Variants in ATP2B2 observed in about 807,000 individuals in gnomAD.
The protein encoded by ATP2B2 is ATPase plasma membrane Ca2+ transporting 2.
Under a neutral mutation model 120.0 loss-of-function variants are expected in ATP2B2, and 15 were observed. That is an observed-to-expected ratio of 0.12 (90% CI 0.08 to 0.19). The LOEUF is 0.19. Among genes scored for constraint, ATP2B2 ranks in the 10% least tolerant of loss-of-function variants. The pLI, the probability that ATP2B2 is intolerant of heterozygous loss-of-function variation, is 1.00. For missense variants in ATP2B2, 1,045 were observed against 1,719.8 expected (o/e 0.61, Z 6.94); for synonymous variants, 694 against 700.3 (o/e 0.99, Z 0.14).
intron 2 of ATP2B2, among the ~76,000 whole-genome samples, chr3:10,573,453 G>A (rs923729997): frequency 9.9e-5 from 15 of 152,128 alleles, no homozygotes; most frequent in African/African-American, 3.4e-4. Flanking sequence ...CTCCCTGACT[G>A]CATGCTCAGT....
intron 1 of ATP2B2, chr3:10,626,597 ATG>A (rs2069707811): frequency 7.4e-6 from 1 of 135,282 alleles, no homozygotes; most frequent in East Asian, 3.1e-4. Context: ...GGATGGATGG[ATG>A]GATGGATGGG....
chr3:10,634,289 G>A (rs556132942), intron 1 of ATP2B2, among the ~76,000 whole-genome samples: 17 of 152,284 alleles, frequency 1.1e-4, no homozygotes, highest in South Asian at 4.1e-4. Context: ...ACTTGTTTAC[G>A]GCAATCTCAC....
At chr3:10,488,632 G>A (rs549367484) in intron 1 of ATP2B2, among the ~76,000 whole-genome samples, 2 of 151,998 alleles carry the variant, frequency 1.3e-5, no homozygotes, top group African/African-American at 4.8e-5. Flanking sequence ...AGGTTCTGGG[G>A]TCAACCCAAC....
intron 2 of ATP2B2, among the ~76,000 whole-genome samples, chr3:10,413,623 C>T (rs1210857634): frequency 6.6e-6 from 1 of 152,196 alleles, no homozygotes; most frequent in Non-Finnish European, 1.5e-5. Flanking sequence ...CTGGGAGATC[C>T]ATGTACAGAG....
chr3:10,532,974 T>C (rs1054395435), intron 3 of ATP2B2, among the ~76,000 whole-genome samples: 2 of 152,184 alleles, frequency 1.3e-5, no homozygotes, highest in African/African-American at 4.8e-5. Context: ...ACTGGGAAGG[T>C]CAGATGAGAT....
rs770425616 is a variant in ATP2B2, at chr3:10,371,893, G to A, written c.1575C>T (p.Pro525=). ...YVGDVHYKEI[P]DPSSINTKTM... ...TCTTGGTGTTGATGGAGCTGGGGTCGGGGATCTCTTTATAGTGGACGTCGC... is the reference window on the plus strand; with the variant it reads ...TCTTGGTGTTGATGGAGCTGGGGTCAGGGATCTCTTTATAGTGGACGTCGC... Residue 525 remains proline, a synonymous_variant, in exon 12 of 23, where the codon CCC becomes CCT. Transcript: ENST00000360273. The A allele has an allele frequency of 4.9e-5, 79 of 1,614,096 alleles. No individual in the cohort carries two copies. The highest frequency in any genetic ancestry group is 2.0e-4 in the East Asian group (9 of 44,882).
At chr3:10,505,055 C>T (rs1268812449) in intron 1 of ATP2B2, among the ~76,000 whole-genome samples, 1 of 152,166 alleles carries the variant, frequency 6.6e-6, no homozygotes, top group Non-Finnish European at 1.5e-5. Context: ...TCCCTGGGAC[C>T]GGCTCAGAGA....
chr3:10,595,194 G>A (rs2068737938), intron 2 of ATP2B2, among the ~76,000 whole-genome samples: 1 of 152,216 alleles, frequency 6.6e-6, no homozygotes, highest in South Asian at 2.1e-4. Context: ...GGAAGCCGTT[G>A]AAGGGCTAGC....
chr3:10,567,336 GCTT>G (rs2125539089), intron 2 of ATP2B2, among the ~76,000 whole-genome samples: 2 of 152,348 alleles, frequency 1.3e-5, no homozygotes, highest in African/African-American at 4.8e-5. Context: ...GCCTCTCTGA[GCTT>G]CTGTTTCTGG....
chr3:10,336,022 C>T, intron 22 of ATP2B2: 1 of 1,345,564 alleles, frequency 7.4e-7, no homozygotes, highest in Non-Finnish European at 1.0e-6. Flanking sequence ...TCCCCCTGGG[C>T]CTGATTGTGA....
At chr3:10,553,598 C>T (rs908386512) in intron 2 of ATP2B2, among the ~76,000 whole-genome samples, 1 of 152,160 alleles carries the variant, frequency 6.6e-6, no homozygotes, top group Non-Finnish European at 1.5e-5. Flanking sequence ...AGTCTGATCC[C>T]CATGTTGTGG....
intron 2 of ATP2B2, among the ~76,000 whole-genome samples, chr3:10,419,532 C>G (rs1008777281): frequency 2.6e-5 from 4 of 152,248 alleles, no homozygotes; most frequent in African/African-American, 4.8e-5. Flanking sequence ...TAACATGCCC[C>G]TACCTAGATC....
chr3:10,478,467 C>T (rs567092742), intron 1 of ATP2B2, among the ~76,000 whole-genome samples: 4 of 152,188 alleles, frequency 2.6e-5, no homozygotes, highest in African/African-American at 9.6e-5. Flanking sequence ...ATGAAGCTTT[C>T]CCCTATGTCT....
chr3:10,531,080 C>A (rs763167486), intron 3 of ATP2B2, among the ~76,000 whole-genome samples: 1 of 152,164 alleles, frequency 6.6e-6, no homozygotes, highest in Non-Finnish European at 1.5e-5. Context: ...GGCAGTGACT[C>A]GAGCTGCTTT....
chr3:10,340,579 T>C lies in ATP2B2; in HGVS notation c.3043A>G (p.Lys1015Glu). The C allele has an allele frequency of 6.2e-7, 1 of 1,614,236 alleles. No homozygotes were observed. Among genetic ancestry groups the C allele is most frequent in the Non-Finnish European group, 8.5e-7 (1 of 1,180,050 alleles). Reference protein sequence around the residue: ...MQLFNEINARKIHGERNVFDG... With the variant: ...MQLFNEINAREIHGERNVFDG... ...AAGACATTGCGCTCGCCGTGGATCT[T>C]GCGGGCGTTGATCTCGTTGAAGAGC... Residue 1015 changes from lysine to glutamate, a missense_variant, in exon 20 of 23, where the codon AAG becomes GAG. Lys to Glu is a moderately conservative substitution (Grantham distance 56). Transcript: ENST00000360273. The surrounding 1 kb of genome is among the most constrained non-coding windows in gnomAD (Gnocchi z 5.0).
At chr3:10,555,062 C>T (rs2067749410) in intron 2 of ATP2B2, among the ~76,000 whole-genome samples, 1 of 152,224 alleles carries the variant, frequency 6.6e-6, no homozygotes, top group Non-Finnish European at 1.5e-5. Context: ...GGAGGGTACT[C>T]TCCTCCTTTT....
intron 1 of ATP2B2, among the ~76,000 whole-genome samples, chr3:10,668,341 C>T (rs1458042807): frequency 6.6e-6 from 1 of 152,220 alleles, no homozygotes; most frequent in Non-Finnish European, 1.5e-5. Flanking sequence ...AAACCCAGAT[C>T]GATCTAACTC....
chr3:10,565,468 C>T (rs140976612), intron 2 of ATP2B2, among the ~76,000 whole-genome samples: 1,689 of 152,278 alleles, frequency 0.011, 37 homozygotes, highest in African/African-American at 0.038. Flanking sequence ...CCTCCTTGGC[C>T]ATATCTCTGG....
Position 10,342,967 on chromosome 3 carries a change from TG to T in ATP2B2, c.2704-3del, listed in dbSNP as rs1265184532. The T allele has an allele frequency of 6.2e-7, 1 of 1,613,504 alleles. No individual in the cohort carries two copies. Among genetic ancestry groups the T allele is most frequent in the East Asian group, 2.2e-5 (1 of 44,884 alleles). ...CTGCACGGCCTTCAGAGGGGAGTCC[TG>T]GGGACGGGCAGGAGAGGGCTGTCAC... On this transcript the variant is annotated splice_polypyrimidine_tract_variant and splice_region_variant and intron_variant, in intron 18 of 22. Transcript: ENST00000360273. This position sits in a 1 kb window ranked among gnomAD's most constrained non-coding sequence, Gnocchi z 4.4.
Sources: gnomAD v4.1 joint callset for allele counts (sites outside exome capture counted in the v4.1 genomes callset) on GRCh38, gnomAD v4.1.1 for gene constraint, Gnocchi (gnomAD v3.1) non-coding constraint, MANE v1.5 for transcripts, NCBI Gene and HGNC (gene_info 2026-07-23, HGNC 2026-07-21) for gene names.